ADCY5: variants seen among roughly 807,000 people sequenced by gnomAD.
ADCY5 encodes the protein adenylate cyclase 5.
A neutral mutation model predicts 119.7 loss-of-function variants in ADCY5; 30 were observed. That is an observed-to-expected ratio of 0.25 (90% CI 0.19 to 0.34). The LOEUF is 0.34. ADCY5 is among the 10% of genes least tolerant of loss of function. The pLI is 1.00. For missense variants in ADCY5, 1,324 were observed against 1,775.2 expected (o/e 0.75, Z 4.57); for synonymous variants, 753 against 762.2 (o/e 0.99, Z 0.20).
At chr3:123,326,145 A>G (rs1413599843) in intron 7 of ADCY5, among the ~76,000 whole-genome samples, 1 of 152,232 alleles carries the variant, frequency 6.6e-6, no homozygotes, top group Non-Finnish European at 1.5e-5. Flanking sequence ...TACAACAGAG[A>G]GGGCACTAGG....
At chr3:123,388,200 G>T (rs934736509) in intron 1 of ADCY5, among the ~76,000 whole-genome samples, 2 of 152,192 alleles carry the variant, frequency 1.3e-5, no homozygotes, top group African/African-American at 4.8e-5. Context: ...AAAAGGCTGC[G>T]CAATGGTCCA....
intron 1 of ADCY5, among the ~76,000 whole-genome samples, chr3:123,391,992 C>T (rs577400038): frequency 3.3e-5 from 5 of 152,336 alleles, no homozygotes; most frequent in African/African-American, 1.2e-4. Context: ...CCCCATCACA[C>T]TGGGACTCTG....
chr3:123,390,059 G>C (rs1944358992), intron 1 of ADCY5, among the ~76,000 whole-genome samples: 4 of 152,174 alleles, frequency 2.6e-5, no homozygotes, highest in Admixed American at 2.6e-4. Context: ...CCGGTGATGG[G>C]GGTGAGGATG....
At chr3:123,332,388 G>C (rs1941806274) in intron 4 of ADCY5, among the ~76,000 whole-genome samples, 176 bp downstream of exon 4, 1 of 152,254 alleles carries the variant, frequency 6.6e-6, no homozygotes, top group African/African-American at 2.4e-5. Context: ...CCCACGCAGG[G>C]CGTGAGGACA....
In ADCY5 at chr3:123,328,924, C is replaced by G. The variant is rs555360623; in HGVS notation, c.1647-122G>C. The G allele has an allele frequency of 9.2e-5, 99 of 1,073,842 alleles. No homozygotes were observed. The Middle Eastern group carries it at 1.9e-3, about 20-fold the overall frequency. 66.5% of individuals were successfully genotyped at this position (1,073,842 alleles called of 1,614,324 possible). A position where few individuals can be genotyped will look rare whatever the true frequency, so the allele number is the denominator to read the frequency against. On this transcript the variant is annotated intron_variant, in intron 5 of 20. Transcript: ENST00000462833. ...GGTCAAAGAGTCTTCTCTCTCCCAT[C>G]CAGCCCTAGAGTCCAAGAACGTTCA...
intron 1 of ADCY5, among the ~76,000 whole-genome samples, chr3:123,391,686 C>T (rs887965986): frequency 6.6e-6 from 1 of 152,174 alleles, no homozygotes; most frequent in Middle Eastern, 3.2e-3. Context: ...TTTTCCAGGG[C>T]CTGGGGTTCC....
intron 1 of ADCY5, among the ~76,000 whole-genome samples, chr3:123,429,959 C>G (rs561267453): frequency 6.6e-6 from 1 of 152,026 alleles, no homozygotes; most frequent in Non-Finnish European, 1.5e-5. Context: ...GGGGGCAGCT[C>G]GGCCTGGGAA....
intron 6 of ADCY5, 49 bp from the exon 7 acceptor site, chr3:123,327,808 A>G (rs572031910): frequency 6.2e-7 from 1 of 1,602,590 alleles, no homozygotes; most frequent in Middle Eastern, 1.7e-4. Flanking sequence ...ACTCAAAGTC[A>G]TAATGTCAGC....
chr3:123,438,636 T>C (rs1945668218), intron 1 of ADCY5, among the ~76,000 whole-genome samples: 1 of 152,206 alleles, frequency 6.6e-6, no homozygotes, highest in Non-Finnish European at 1.5e-5. Context: ...GTCACAGTAC[T>C]GCAGTGCTTA....
chr3:123,420,865 C>T (rs1454433215), intron 1 of ADCY5, among the ~76,000 whole-genome samples: 4 of 152,120 alleles, frequency 2.6e-5, no homozygotes, highest in South Asian at 2.1e-4. Context: ...AGGGCTGTTT[C>T]CCCAGAAGGA....
chr3:123,367,806 C>T, intron 1 of ADCY5: 1 of 1,470,950 alleles, frequency 6.8e-7, no homozygotes, highest in Non-Finnish European at 9.0e-7. Context: ...TCCCTCTTTC[C>T]ATTCCTCACC....
At chr3:123,319,033 C>G (rs148694374) in intron 10 of ADCY5, among the ~76,000 whole-genome samples, 173 of 152,314 alleles carry the variant, frequency 1.1e-3, no homozygotes, top group Non-Finnish European at 1.9e-3. Flanking sequence ...ATGCACCGAA[C>G]GCCTACTATG....
chr3:123,351,579 G>T (rs7614016), intron 2 of ADCY5, among the ~76,000 whole-genome samples: 1 of 152,034 alleles, frequency 6.6e-6, no homozygotes, highest in Non-Finnish European at 1.5e-5. Context: ...GGAGCTAGTG[G>T]GAGCCCCATC....
rs139736742 is a variant in ADCY5, at chr3:123,330,778, T to C, written c.1646+111A>G. The C allele has an allele frequency of 1.1e-3, 1,594 of 1,409,266 alleles. 24 individuals carry two copies. In the African/African-American group the frequency reaches 0.021, roughly 18 times the overall value. The allele number at this position is 1,409,266 out of a possible 1,614,324, so 87.3% of individuals were successfully genotyped here. ...TGGCTGGGCACCTTTTGGCAGACAG[T>C]TTCACCCCACTGTTTCCCTGCCTCC... On this transcript the variant is annotated intron_variant, in intron 5 of 20. Transcript: ENST00000462833.
chr3:123,386,665 A>G (rs1944235439), intron 1 of ADCY5, among the ~76,000 whole-genome samples: 2 of 152,048 alleles, frequency 1.3e-5, no homozygotes, highest in African/African-American at 4.8e-5. Flanking sequence ...TCTGTTAGCC[A>G]AGGAGGGGCA....
At chr3:123,386,489 A>G (rs752403206) in intron 1 of ADCY5, among the ~76,000 whole-genome samples, 7 of 152,216 alleles carry the variant, frequency 4.6e-5, no homozygotes, top group Admixed American at 2.6e-4. Flanking sequence ...CTTAGGAGAC[A>G]TGTTTCAATT....
At chr3:123,426,316 T>TG (rs1559875079) in intron 1 of ADCY5, among the ~76,000 whole-genome samples, 2 of 145,788 alleles carry the variant, frequency 1.4e-5, no homozygotes, top group African/African-American at 2.6e-5. Context: ...TTTTGTTTGT[T>TG]TTTGTTTGTT....
In ADCY5 at chr3:123,368,775, A is replaced by G. The variant is rs140781776; in HGVS notation, c.1135-16194T>C. 2.9e-3 allele frequency among the ~76,000 whole-genome samples: 438 copies of G among 151,650 alleles called. 2 individuals are homozygous for G. Among genetic ancestry groups the G allele is most frequent in the African/African-American group, 9.9e-3 (410 of 41,380 alleles). ...TCCAAAAAAAAAAAAAAAGGTACAT[A>G]GGAGCCAGGCCTCCTCTGCTCACTG... On this transcript the variant is annotated intron_variant, in intron 1 of 20. Coordinates refer to ENST00000462833, the MANE Select transcript of ADCY5 (RefSeq NM_183357.3).
At position 123,341,585 on chromosome 3, in the gene ADCY5, T is replaced by C. The variant is rs186999310; in HGVS notation, c.1406+6197A>G. Among the ~76,000 whole-genome samples the C allele has an allele frequency of 3.5e-3, 533 of 152,192 alleles. 6 individuals carry two copies. Among genetic ancestry groups the C allele is most frequent in the Admixed American group, 6.2e-3 (95 of 15,284 alleles). ...GATGGTGGTTGCACAACAATTTGAA[T>C]GTACTTAATGCCACTGAACTGTACA... is the stretch of plus-strand genomic sequence containing the variant. On this transcript the variant is annotated intron_variant, in intron 3 of 20. Coordinates refer to ENST00000462833, the MANE Select transcript of ADCY5 (RefSeq NM_183357.3).
Sources: allele counts gnomAD v4.1 joint callset (sites outside exome capture counted in the v4.1 genomes callset), GRCh38; gene constraint gnomAD v4.1.1; transcripts MANE v1.5; gene names NCBI Gene and HGNC (gene_info 2026-07-23, HGNC 2026-07-21).